The following DPP6 variants were observed in gnomAD, a reference collection of about 807,000 sequenced individuals.
The protein encoded by DPP6 is dipeptidyl peptidase like 6.
In DPP6, 69 loss-of-function variants were observed where a neutral mutation model predicts 122.6. That is an observed-to-expected ratio of 0.56 (90% CI 0.46 to 0.69). The LOEUF (loss-of-function observed/expected upper bound fraction) is 0.69, where lower values mean the gene tolerates loss of function less well. Ranked by LOEUF, DPP6 falls within the 30% of genes least tolerant of loss-of-function variation. The pLI is 0.00. For missense variants in DPP6, 928 were observed against 1,116.9 expected (o/e 0.83, Z 2.41); for synonymous variants, 418 against 433.1 (o/e 0.97, Z 0.43).
chr7:154,802,966 C>T (rs1798462656), intron 13 of DPP6, among the ~76,000 whole-genome samples: 1 of 152,214 alleles, frequency 6.6e-6, no homozygotes, highest in African/African-American at 2.4e-5. Context: ...AGGTCTCCTG[C>T]ACTGCCCATG....
chr7:154,814,217 A>T (rs1258567263), intron 16 of DPP6, among the ~76,000 whole-genome samples: 3 of 152,222 alleles, frequency 2.0e-5, no homozygotes, highest in South Asian at 4.1e-4. Flanking sequence ...ATAACAGTTG[A>T]TGACTATGTT....
intron 1 of DPP6, among the ~76,000 whole-genome samples, chr7:153,983,175 C>T (rs904586516): frequency 6.6e-6 from 1 of 152,224 alleles, no homozygotes; most frequent in Non-Finnish European, 1.5e-5. Flanking sequence ...TGCTGTGTCT[C>T]AGGGAGATGG....
At chr7:154,493,557 A>C (rs1337769997) in intron 3 of DPP6, among the ~76,000 whole-genome samples, 1 of 151,384 alleles carries the variant, frequency 6.6e-6, no homozygotes, top group Non-Finnish European at 1.5e-5. Flanking sequence ...TTATGTTTTG[A>C]ATGCCTAAAG....
chr7:154,062,318 C>T (rs1217310774), intron 1 of DPP6, among the ~76,000 whole-genome samples: 5 of 66,428 alleles, frequency 7.5e-5, no homozygotes, highest in Non-Finnish European at 1.5e-4. Flanking sequence ...GGACCCCCAT[C>T]GCAGGAGGGG....
chr7:153,834,651 A>G, the DPP6 span, among the ~76,000 whole-genome samples: 1 of 152,166 alleles, frequency 6.6e-6, no homozygotes, highest in Non-Finnish European at 1.5e-5. Flanking sequence ...GATGGCCAGA[A>G]CATGTTGTTT....
chr7:153,946,724 A>G (rs1226183625), intron 1 of DPP6, among the ~76,000 whole-genome samples: 1 of 152,110 alleles, frequency 6.6e-6, no homozygotes, highest in Non-Finnish European at 1.5e-5. Context: ...TAAGTACCAT[A>G]GCAGTTTGGA....
At chr7:154,052,090 T>C (rs1800376792), upstream of DPP6, among the ~76,000 whole-genome samples, 1 of 139,456 alleles carries the variant, frequency 7.2e-6, no homozygotes, top group South Asian at 2.6e-4. The surrounding 1 kb of genome is among the most constrained non-coding windows in gnomAD (Gnocchi z 4.8). Context: ...CGCATCCCCT[T>C]GCACCGTCCG....
At chr7:153,760,074 T>A in the DPP6 span, among the ~76,000 whole-genome samples, 2 of 152,218 alleles carry the variant, frequency 1.3e-5, no homozygotes, top group Non-Finnish European at 2.9e-5. Flanking sequence ...TTTTAACATA[T>A]CTCAATGATG....
Position 154,875,192 on chromosome 7 carries a change from G to A in DPP6, c.1884-714G>A, listed in dbSNP as rs1804748075. Among the ~76,000 whole-genome samples the A allele has an allele frequency of 6.6e-6, 1 of 152,178 alleles. No individual in the cohort carries two copies. Among genetic ancestry groups the A allele is most frequent in the Admixed American group, 6.5e-5 (1 of 15,280 alleles). On this transcript the variant is annotated intron_variant, in intron 19 of 25. Transcript: ENST00000377770. The surrounding 1 kb of genome is among the most constrained non-coding windows in gnomAD (Gnocchi z 4.5). ...AGGGAGGAAGGGAGGGAACAGCCCT[G>A]TTTGAGGAAAAAGAAAACAGCCCTG... is the stretch of plus-strand genomic sequence containing the variant.
intron 1 of DPP6, among the ~76,000 whole-genome samples, chr7:154,387,026 A>G (rs952681629): frequency 6.6e-6 from 1 of 152,200 alleles, no homozygotes; most frequent in Non-Finnish European, 1.5e-5. Flanking sequence ...CAGAAAGATC[A>G]AGTGAGGCAG....
chr7:154,486,452 C>T lies in DPP6; in HGVS notation c.457+11415C>T, dbSNP rs1391503613. Among the ~76,000 whole-genome samples the T allele has an allele frequency of 6.6e-6, 1 of 152,142 alleles. No homozygotes were observed. The highest frequency in any genetic ancestry group is 1.5e-5 in the Non-Finnish European group (1 of 68,036). On this transcript the variant is annotated intron_variant, in intron 3 of 25. Coordinates refer to ENST00000377770, the MANE Select transcript of DPP6 (RefSeq NM_130797.4). The surrounding 1 kb of genome is among the most constrained non-coding windows in gnomAD (Gnocchi z 4.5). ...CGGCCACTCATGGCCTCTATTACCACGTTCCTGGCCATATTAGGTTCTTTG... is the reference window on the plus strand; with the variant it reads ...CGGCCACTCATGGCCTCTATTACCATGTTCCTGGCCATATTAGGTTCTTTG...
chr7:154,126,333 T>A (rs1807884256), intron 1 of DPP6, among the ~76,000 whole-genome samples: 1 of 152,166 alleles, frequency 6.6e-6, no homozygotes, highest in South Asian at 2.1e-4. Context: ...ACCATATAAT[T>A]TTTTATCCAA....
intron 1 of DPP6, among the ~76,000 whole-genome samples, chr7:153,956,215 C>T (rs760609743): frequency 1.3e-4 from 19 of 151,924 alleles, no homozygotes; most frequent in Admixed American, 2.6e-4. Context: ...GGGGGCTGGT[C>T]CAGTCCATGC....
At chr7:154,728,853 A>G (rs1404405341) in intron 8 of DPP6, among the ~76,000 whole-genome samples, 4 of 152,166 alleles carry the variant, frequency 2.6e-5, no homozygotes, top group Non-Finnish European at 5.9e-5. Flanking sequence ...AAATCTTTTT[A>G]TCTTTTTATC....
chr7:154,678,493 C>T (rs1468263969), intron 7 of DPP6, among the ~76,000 whole-genome samples: 1 of 152,104 alleles, frequency 6.6e-6, no homozygotes, highest in Non-Finnish European at 1.5e-5. Flanking sequence ...CTCCTGAAGT[C>T]ACCAAGACCA....
the DPP6 span, among the ~76,000 whole-genome samples, chr7:153,779,004 GAA>G: frequency 6.8e-6 from 1 of 147,098 alleles, no homozygotes; most frequent in African/African-American, 2.7e-5. Flanking sequence ...GCTACAAAAA[GAA>G]ATGAATTTCT....
At chr7:153,846,548 G>A in the DPP6 span, among the ~76,000 whole-genome samples, 3 of 151,422 alleles carry the variant, frequency 2.0e-5, no homozygotes, top group Non-Finnish European at 2.9e-5. Context: ...TTTATGGCCC[G>A]GCACACATTC....
At chr7:154,337,502 G>A (rs1281015512) in intron 1 of DPP6, among the ~76,000 whole-genome samples, 1 of 152,214 alleles carries the variant, frequency 6.6e-6, no homozygotes, top group Non-Finnish European at 1.5e-5. Context: ...TATCCACACA[G>A]TAGATACATC....
At chr7:154,460,916 T>G in intron 2 of DPP6, among the ~76,000 whole-genome samples, 1 of 152,228 alleles carries the variant, frequency 6.6e-6, no homozygotes, top group Non-Finnish European at 1.5e-5. Flanking sequence ...TGTAGTCACA[T>G]TGTTATGCTA....
Sources: allele counts gnomAD v4.1 joint callset (sites outside exome capture counted in the v4.1 genomes callset), GRCh38; gene constraint gnomAD v4.1.1; non-coding constraint Gnocchi (gnomAD v3.1); transcripts MANE v1.5; gene names NCBI Gene and HGNC (gene_info 2026-07-23, HGNC 2026-07-21).